Variants in ATAT1 observed in about 807,000 individuals in gnomAD.
ATAT1 encodes the protein alpha tubulin acetyltransferase 1, also known as alpha-tubulin N-acetyltransferase 1.
In ATAT1, 42 loss-of-function variants were observed where a neutral mutation model predicts 57.2. The ratio of observed to expected loss-of-function variants is 0.73; its 90% CI spans 0.57 to 0.95. ATAT1 has a LOEUF of 0.95. ATAT1 is among the 40% of genes least tolerant of loss of function. The probability of loss-of-function intolerance (pLI) is 0.00; values close to 1 mark genes in which losing one functional copy is unlikely to be tolerated. For missense variants in ATAT1, 454 were observed against 523.7 expected (o/e 0.87, Z 1.30); for synonymous variants, 168 against 187.1 (o/e 0.90, Z 0.83).
chr6:30,642,898 T>G lies in ATAT1; in HGVS notation c.819T>G (p.Phe273Leu). 5 of 1,369,814 alleles carry G rather than the reference T, an allele frequency of 3.7e-6. No individual in the cohort carries two copies. The highest frequency in any genetic ancestry group is 4.8e-6 in the Non-Finnish European group (5 of 1,035,982). 84.9% of individuals were successfully genotyped at this position (1,369,814 alleles called of 1,614,324 possible). A position where few individuals can be genotyped will look rare whatever the true frequency, so the allele number is the denominator to read the frequency against. Reference sequence around the variant, plus strand: ...CAGAACGAGGTCCCCTCCGCCCCTTTGTGCCAGAGCAGGAGCTGCTGCGTT... The same window carrying G: ...CAGAACGAGGTCCCCTCCGCCCCTTGGTGCCAGAGCAGGAGCTGCTGCGTT... Residue 273 changes from phenylalanine (F) to leucine (L), a missense_variant, in exon 10 of 13, where the codon TTT becomes TTG. Coordinates refer to ENST00000330083, the MANE Select transcript of ATAT1 (RefSeq NM_001031722.4).
intron 6 of ATAT1, among the ~76,000 whole-genome samples, chr6:30,630,763 C>A (rs982582369): frequency 2.6e-5 from 4 of 151,892 alleles, no homozygotes; most frequent in African/African-American, 9.7e-5. Flanking sequence ...CATAGTGAAA[C>A]CCTGTCTCTA....
Position 30,642,841 on chromosome 6 carries a change from ACC to A in ATAT1, c.768_769del (p.Arg257LeufsTer42). The A allele has an allele frequency of 3.4e-6, 1 of 296,268 alleles. No individual in the cohort carries two copies. Among genetic ancestry groups the A allele is most frequent in the Non-Finnish European group, 5.6e-6 (1 of 177,048 alleles). 18.4% of individuals were successfully genotyped at this position (296,268 alleles called of 1,614,324 possible). A position where few individuals can be genotyped will look rare whatever the true frequency, so the allele number is the denominator to read the frequency against. On this transcript the variant is annotated frameshift_variant, in exon 10 of 13. Coordinates refer to ENST00000330083, the MANE Select transcript of ATAT1 (RefSeq NM_001031722.4). LOFTEE classifies it high-confidence loss of function. ...GCCGCGCCACACCTCCAGCCCACCC[ACC>A]CCCCCGCTCCAGCAGCCTGGGAAAC...
At chr6:30,641,937 A>T (rs1765537676) in intron 8 of ATAT1, 1 of 1,338,946 alleles carries the variant, frequency 7.5e-7, no homozygotes, top group Non-Finnish European at 9.6e-7. Flanking sequence ...CTCCCCTTCG[A>T]TCTTTCTCCC....
rs184095095 is a variant in ATAT1 at position 30,636,677 on chromosome 6, G to C, written c.502-3700G>C. Among the ~76,000 whole-genome samples, 16 of 152,160 alleles carry C rather than the reference G, an allele frequency of 1.1e-4. No individual in the cohort carries two copies. In the East Asian group the frequency reaches 1.2e-3, roughly 11 times the overall value. Reference sequence around the variant, plus strand: ...TGGAGTGCTGGGCATGTGCTTGTTGGGGGGTGGGGGTGATGAGGATGGGCT... The same window carrying C: ...TGGAGTGCTGGGCATGTGCTTGTTGCGGGGTGGGGGTGATGAGGATGGGCT... On this transcript the variant is annotated intron_variant, in intron 6 of 12. Coordinates refer to ENST00000330083, the MANE Select transcript of ATAT1 (RefSeq NM_001031722.4).
At position 30,641,685 on chromosome 6, in the gene ATAT1, C is replaced by A; in HGVS notation, c.617-491C>A. On this transcript the variant is annotated intron_variant, in intron 8 of 12. Coordinates refer to ENST00000330083, the MANE Select transcript of ATAT1 (RefSeq NM_001031722.4). ...AACCTAATAAAACTTCAGTCTCTTC[C>A]CATTTTCGTATAGGAAGGAGAGATT... is the stretch of plus-strand genomic sequence containing the variant. 4.2e-6 allele frequency: 3 copies of A among 712,230 alleles called. No homozygotes were observed. In the African/African-American group the frequency reaches 5.8e-5, roughly 14 times the overall value. The allele number at this position is 712,230 out of a possible 1,614,324, so 44.1% of individuals were successfully genotyped here.
At chr6:30,638,144 T>C (rs982199524) in intron 6 of ATAT1, among the ~76,000 whole-genome samples, 2 of 152,000 alleles carry the variant, frequency 1.3e-5, no homozygotes, top group Admixed American at 6.6e-5. Context: ...CCCAAAGTGC[T>C]GGGATTACAG....
chr6:30,643,605 G>A (rs1351556548), intron 10 of ATAT1: 6 of 1,550,334 alleles, frequency 3.9e-6, no homozygotes, highest in African/African-American at 1.4e-5. Flanking sequence ...GGTGGGCAGG[G>A]AACCCCTCCC....
rs574769748 is a variant in ATAT1, at chr6:30,629,679, G to A, written c.501+1249G>A. Among the ~76,000 whole-genome samples the A allele has an allele frequency of 3.4e-4, 52 of 152,218 alleles. 2 individuals are homozygous for A. The South Asian group carries it at 6.2e-3, about 18-fold the overall frequency. On this transcript the variant is annotated intron_variant, in intron 6 of 12. Coordinates refer to ENST00000330083, the MANE Select transcript of ATAT1 (RefSeq NM_001031722.4). ...CCTGCCTCAGCCTCCCGAGTAGCTG[G>A]GACTACAGGTGCCCACCACCATACC...
chr6:30,644,471 T>G (rs1766232677), intron 10 of ATAT1: 1 of 985,674 alleles, frequency 1.0e-6, no homozygotes, highest in Non-Finnish European at 1.2e-6. Flanking sequence ...GCCCAGAGTA[T>G]AGCTAGATCC....
chr6:30,635,199 C>T (rs955137256), intron 6 of ATAT1, among the ~76,000 whole-genome samples: 1 of 152,218 alleles, frequency 6.6e-6, no homozygotes, highest in Non-Finnish European at 1.5e-5. Context: ...TATTGTGCAA[C>T]AATAAACCCA....
chr6:30,642,833 G>GGGGGGGGGCCGCCCC lies in ATAT1; in HGVS notation c.754_755insGGGGGGGGCCGCCCC (p.Ala252delinsGlyGlyGlyProProPro). ...GGCCCCTCGCCGCGCCACACCTCCAGCCCACCCACCCCCCCGCTCCAGCAG... is the reference window on the plus strand; with the variant it reads ...GGCCCCTCGCCGCGCCACACCTCCAGGGGGGGGGCCGCCCCCCCACCCACCCCCCCGCTCCAGCAG... On this transcript the variant is annotated protein_altering_variant, in exon 10 of 13. Transcript: ENST00000330083. 1 of 1,537,876 alleles carries GGGGGGGGGCCGCCCC rather than the reference G, an allele frequency of 6.5e-7. No individual in the cohort carries two copies. The highest frequency in any genetic ancestry group is 8.7e-7 in the Non-Finnish European group (1 of 1,145,782).
chr6:30,638,679 A>G (rs1187467889), intron 6 of ATAT1, among the ~76,000 whole-genome samples: 1 of 151,496 alleles, frequency 6.6e-6, no homozygotes, highest in Non-Finnish European at 1.5e-5. Context: ...TAAACTCTTA[A>G]TGGCTACACT....
At chr6:30,641,856 C>A (rs1299179195) in intron 8 of ATAT1, 1 of 1,165,754 alleles carries the variant, frequency 8.6e-7, no homozygotes, top group Non-Finnish European at 1.1e-6. Flanking sequence ...GGGGCCATGA[C>A]AGCACCCACT....
chr6:30,646,725 G>T lies in ATAT1; in HGVS notation c.*82G>T. Reference sequence around the variant, plus strand: ...CCAAAGCCCAACCCTCATAATAGATGGATACATTCATTCATTCATTCATTC... The same window carrying T: ...CCAAAGCCCAACCCTCATAATAGATTGATACATTCATTCATTCATTCATTC... On this transcript the variant is annotated 3_prime_UTR_variant, in exon 13 of 13. Transcript: ENST00000330083. The T allele has an allele frequency of 7.1e-7, 1 of 1,404,932 alleles. No homozygotes were observed. Among genetic ancestry groups the T allele is most frequent in the Admixed American group, 3.0e-5 (1 of 33,720 alleles). The allele number at this position is 1,404,932 out of a possible 1,614,324, so 87.0% of individuals were successfully genotyped here. A position where few individuals can be genotyped will look rare whatever the true frequency, so the allele number is the denominator to read the frequency against.
At chr6:30,641,384 T>C (rs1312338311) in intron 8 of ATAT1, among the ~76,000 whole-genome samples, 5 of 152,160 alleles carry the variant, frequency 3.3e-5, no homozygotes, top group African/African-American at 1.2e-4. Context: ...CCATTTAGCT[T>C]GTTCAGAACC....
chr6:30,640,356 T>G lies in ATAT1; in HGVS notation c.502-21T>G, dbSNP rs745707512. On this transcript the variant is annotated intron_variant, in intron 6 of 12. Coordinates refer to ENST00000330083, the MANE Select transcript of ATAT1 (RefSeq NM_001031722.4). The stretch of plus-strand genomic sequence containing the variant: ...ATCGTTAAGTGATGCATGATTGTAT[T>G]TTGTTTGTTTCATCTTCCAGGTGAA... 24 of 1,612,446 alleles carry G rather than the reference T, an allele frequency of 1.5e-5. No individual in the cohort carries two copies. The East Asian group carries it at 5.3e-4, about 36-fold the overall frequency.
intron 8 of ATAT1, 127 bp downstream of exon 8, chr6:30,640,730 C>A: frequency 1.8e-6 from 2 of 1,084,736 alleles, no homozygotes; most frequent in Non-Finnish European, 2.7e-6. Context: ...CTCCAGCAGT[C>A]ATGACTGTTT....
intron 6 of ATAT1, among the ~76,000 whole-genome samples, chr6:30,638,595 A>G (rs1183473132): frequency 6.8e-6 from 1 of 146,782 alleles, no homozygotes; most frequent in Non-Finnish European, 1.5e-5. Flanking sequence ...TTTTTTTGAG[A>G]CGGAGTCTCT....
In ATAT1 at chr6:30,627,263, C is replaced by T; in HGVS notation, c.60C>T (p.Cys20=). 1 of 1,613,852 alleles carries T rather than the reference C, an allele frequency of 6.2e-7. No homozygotes were observed. Among genetic ancestry groups the T allele is most frequent in the East Asian group, 2.2e-5 (1 of 44,878 alleles). Residue 20 remains cysteine (C), a synonymous_variant, in exon 1 of 13, where the codon TGC becomes TGT. Transcript: ENST00000330083. ...TAACCTTAAGGGAGGAGGGAGTGTG[C>T]CACCTTGAAAGGTGTGACAGAAGTT...
Sources: gnomAD v4.1 joint callset for allele counts (sites outside exome capture counted in the v4.1 genomes callset) on GRCh38, gnomAD v4.1.1 for gene constraint, MANE v1.5 for transcripts, NCBI Gene and HGNC (gene_info 2026-07-23, HGNC 2026-07-21) for gene names.